Variants in ERCC6 observed in about 807,000 individuals in gnomAD.
The protein encoded by ERCC6 is DNA excision repair protein ERCC-6.
In ERCC6, 116 loss-of-function variants were observed where a neutral mutation model predicts 158.7. The ratio of observed to expected loss-of-function variants is 0.73; its 90% CI spans 0.63 to 0.85. The LOEUF (loss-of-function observed/expected upper bound fraction) is 0.85, where lower values mean the gene tolerates loss of function less well. Ranked by LOEUF, ERCC6 falls within the 40% of genes least tolerant of loss-of-function variation. ERCC6 has a pLI of 0.00. For missense variants in ERCC6, 1,698 were observed against 1,799.4 expected (o/e 0.94, Z 1.02); for synonymous variants, 678 against 659.3 (o/e 1.03, Z -0.43).
chr10:49,452,506 G>T (rs1850431422), downstream of ERCC6, among the ~76,000 whole-genome samples: 1 of 151,928 alleles, frequency 6.6e-6, no homozygotes, highest in Non-Finnish European at 1.5e-5. Flanking sequence ...CTAGCATAAG[G>T]CCTATCCTGA....
chr10:49,449,709 G>A (rs528735745), downstream of ERCC6, among the ~76,000 whole-genome samples: 10 of 150,634 alleles, frequency 6.6e-5, no homozygotes, highest in South Asian at 1.7e-3. Flanking sequence ...ACGCCACCAC[G>A]CCCAGCTAAT....
At chr10:49,538,054 AATTTTTGACTTT>A (rs1317769943) in intron 1 of ERCC6, among the ~76,000 whole-genome samples, 2 of 152,210 alleles carry the variant, frequency 1.3e-5, no homozygotes, top group Non-Finnish European at 2.9e-5. Context: ...TGGAACACCG[AATTTTTGACTTT>A]ATTTTTAACT....
intron 16 of ERCC6, among the ~76,000 whole-genome samples, chr10:49,472,103 T>C (rs556850993): frequency 4.4e-4 from 67 of 152,294 alleles, no homozygotes; most frequent in Non-Finnish European, 8.1e-4. Context: ...AATATTCCTT[T>C]CAAATAACAA....
At chr10:49,536,171 G>A (rs1837594093) in intron 1 of ERCC6, among the ~76,000 whole-genome samples, 1 of 152,182 alleles carries the variant, frequency 6.6e-6, no homozygotes, top group South Asian at 2.1e-4. Flanking sequence ...GACTGTAGTG[G>A]TTGAAATGTA....
rs202175975 is a variant in ERCC6, at chr10:49,524,678, T to C, written c.752A>G (p.Gln251Arg). The part of the protein sequence containing the change: ...RTGQMTPFGT[Q>R]IPQKQEKKPR... ...CTTTTTCTCCTGTTTCTGAGGGATC[T>C]GGGTACCAAAAGGTGTCATCTGGCC... Residue 251 changes from glutamine (Q) to arginine (R), a missense_variant, in exon 5 of 21, where the codon CAG becomes CGG. By Grantham distance (43) the Gln-to-Arg change is conservative. Coordinates refer to ENST00000355832, the MANE Select transcript of ERCC6 (RefSeq NM_000124.4). 1.1e-5 allele frequency: 18 copies of C among 1,613,208 alleles called. No homozygotes were observed. Among genetic ancestry groups the C allele is most frequent in the Non-Finnish European group, 1.5e-5 (18 of 1,180,038 alleles).
At chr10:49,452,285 T>C (rs1016440202), downstream of ERCC6, among the ~76,000 whole-genome samples, 9 of 152,048 alleles carry the variant, frequency 5.9e-5, no homozygotes, top group African/African-American at 2.2e-4. Flanking sequence ...ACAGTTTACT[T>C]GTGTCTTAAT....
In ERCC6 at chr10:49,483,444, G is replaced by T; in HGVS notation, c.1894C>A (p.Gln632Lys). 6.2e-7 allele frequency: 1 copy of T among 1,613,652 alleles called. No individual in the cohort carries two copies. The highest frequency in any genetic ancestry group is 8.5e-7 in the Non-Finnish European group (1 of 1,179,554). Residue 632 changes from glutamine to lysine, a missense_variant, in exon 9 of 21, where the codon CAG becomes AAG. Gln to Lys is a moderately conservative substitution (Grantham distance 53). Coordinates refer to ENST00000355832, the MANE Select transcript of ERCC6 (RefSeq NM_000124.4). ...ITSYSYIRLM[Q>K]DDISRYDWHY... ...CAGTCATACCTGCTAATGTCATCCT[G>T]CATCAATCGAATGTAGGAGTAAGAT...
chr10:49,453,329 T>C (rs1850441738), downstream of ERCC6, among the ~76,000 whole-genome samples: 2 of 152,124 alleles, frequency 1.3e-5, 1 homozygote, highest in East Asian at 3.8e-4. Flanking sequence ...TTCCCCCTTT[T>C]TGTGATATTT....
At chr10:49,474,817 A>T (rs185116441) in intron 12 of ERCC6, among the ~76,000 whole-genome samples, 1 of 152,192 alleles carries the variant, frequency 6.6e-6, no homozygotes, top group East Asian at 1.9e-4. Flanking sequence ...TCCATGCAGA[A>T]GGGCACAGAA....
intron 5 of ERCC6, among the ~76,000 whole-genome samples, chr10:49,519,244 T>C (rs1000348694): frequency 1.2e-4 from 18 of 152,224 alleles, no homozygotes; most frequent in African/African-American, 4.1e-4. Context: ...AGGAAACATG[T>C]ATGTAGAGGG....
intron 2 of ERCC6, among the ~76,000 whole-genome samples, chr10:49,531,678 TGAG>T: frequency 6.6e-6 from 1 of 152,302 alleles, no homozygotes; most frequent in African/African-American, 2.4e-5. Context: ...CACCTGCTCC[TGAG>T]GAGGCCAAAA....
At chr10:49,504,375 T>A (rs781015386) in intron 6 of ERCC6, 2 of 152,158 alleles carry the variant, frequency 1.3e-5, no homozygotes, top group African/African-American at 2.4e-5. Context: ...TTATATTAAC[T>A]ACTATAGAGT....
intron 10 of ERCC6, among the ~76,000 whole-genome samples, chr10:49,480,575 G>GA (rs765744047): frequency 6.8e-4 from 104 of 152,130 alleles, no homozygotes; most frequent in South Asian, 2.7e-3. Context: ...GAACTTCAAG[G>GA]AAAAAAACAG....
At position 49,530,602 on chromosome 10, in the gene ERCC6, T is replaced by G; in HGVS notation, c.543+118A>C. ...CAAAAGAAACCCAAAATTTCTCTAT[T>G]GTAATTATAAGTATTTGCTTCACAT... is the stretch of plus-strand genomic sequence containing the variant. On this transcript the variant is annotated intron_variant, in intron 3 of 20. Transcript: ENST00000355832. 8.7e-6 allele frequency: 13 copies of G among 1,486,884 alleles called. No homozygotes were observed. The Middle Eastern group carries it at 2.3e-3, about 260-fold the overall frequency. 92.1% of individuals were successfully genotyped at this position (1,486,884 alleles called of 1,614,324 possible).
rs1837396969 is a variant in ERCC6 at position 49,528,607 on chromosome 10, A to G, written c.544-82T>C. ...ACAAAAGATAGCATTATGAAATTTT[A>G]AACTTAAATCCAAAGTAAAATAAAA... is the stretch of plus-strand genomic sequence containing the variant. On this transcript the variant is annotated intron_variant, in intron 3 of 20. Coordinates refer to ENST00000355832, the MANE Select transcript of ERCC6 (RefSeq NM_000124.4). 2.6e-6 allele frequency: 4 copies of G among 1,519,374 alleles called. No homozygotes were observed. In the East Asian group the frequency reaches 9.5e-5, roughly 36 times the overall value. The allele number at this position is 1,519,374 out of a possible 1,614,324, so 94.1% of individuals were successfully genotyped here. A position where few individuals can be genotyped will look rare whatever the true frequency, so the allele number is the denominator to read the frequency against.
intron 2 of ERCC6, among the ~76,000 whole-genome samples, chr10:49,531,787 C>G (rs1469397009): frequency 6.6e-6 from 1 of 152,156 alleles, no homozygotes; most frequent in African/African-American, 2.4e-5. Flanking sequence ...CAGCTATCCT[C>G]TGTGACACTG....
intron 5 of ERCC6, among the ~76,000 whole-genome samples, chr10:49,512,266 C>A (rs935126472): frequency 6.6e-6 from 1 of 152,036 alleles, no homozygotes; most frequent in Non-Finnish European, 1.5e-5. Flanking sequence ...GGCTGGAAAT[C>A]AAGCCAAAAG....
downstream of ERCC6, among the ~76,000 whole-genome samples, chr10:49,452,646 T>C (rs1359082527): frequency 6.6e-6 from 1 of 152,184 alleles, no homozygotes; most frequent in Non-Finnish European, 1.5e-5. Flanking sequence ...ACCTTGTGTC[T>C]AGTTTTGTCC....
chr10:49,515,152 G>T, intron 5 of ERCC6: 1 of 1,295,932 alleles, frequency 7.7e-7, no homozygotes, highest in South Asian at 2.4e-5. Context: ...TTGAATTTTT[G>T]CATGAAATTC....
Sources: gnomAD v4.1 joint callset for allele counts (sites outside exome capture counted in the v4.1 genomes callset) on GRCh38, gnomAD v4.1.1 for gene constraint, MANE v1.5 for transcripts, NCBI Gene and HGNC (gene_info 2026-07-23, HGNC 2026-07-21) for gene names.